The following PRCP variants were observed in gnomAD, a reference collection of about 807,000 sequenced individuals.
PRCP encodes the protein prolylcarboxypeptidase.
PRCP carries 46 observed loss-of-function variants against 54.2 expected under a neutral mutation model. The observed-to-expected ratio is 0.85, with a 90% confidence interval of 0.67 to 1.09. The LOEUF (loss-of-function observed/expected upper bound fraction) is 1.09, where lower values mean the gene tolerates loss of function less well. PRCP is among the 50% of genes least tolerant of loss of function. The pLI, the probability that PRCP is intolerant of heterozygous loss-of-function variation, is 0.00. For synonymous variants in PRCP, 240 were observed against 212.2 expected, an observed-to-expected ratio of 1.13 and a Z score of -1.14; for missense variants, 613 against 596.8, an observed-to-expected ratio of 1.03 and a Z score of -0.28.
At chr11:82,862,330 T>C (rs1859225443) in intron 1 of PRCP, among the ~76,000 whole-genome samples, 1 of 152,254 alleles carries the variant, frequency 6.6e-6, no homozygotes, top group Admixed American at 6.5e-5. Context: ...GTAAGATTCA[T>C]GTACAACAAT....
intron 1 of PRCP, among the ~76,000 whole-genome samples, chr11:82,876,540 G>A (rs1009039060): frequency 6.6e-6 from 1 of 152,126 alleles, no homozygotes; most frequent in Non-Finnish European, 1.5e-5. Context: ...GAGAGACCGG[G>A]GGGAGGTTAC....
intron 2 of PRCP, chr11:82,858,461 T>C (rs1859139913): frequency 6.6e-6 from 1 of 152,254 alleles, no homozygotes; most frequent in Non-Finnish European, 1.5e-5. Context: ...TGGGCCAGGA[T>C]CTGCTCTTCT....
rs553482470 is a variant in PRCP at position 82,868,175 on chromosome 11, G to T, written c.169-8058C>A. 2.4e-3 allele frequency among the ~76,000 whole-genome samples: 366 copies of T among 152,130 alleles called. 3 individuals carry two copies. Among genetic ancestry groups the T allele is most frequent in the African/African-American group, 8.5e-3 (353 of 41,492 alleles). On this transcript the variant is annotated intron_variant, in intron 1 of 8. Coordinates refer to ENST00000313010, the MANE Select transcript of PRCP (RefSeq NM_005040.4). Reference sequence around the variant, plus strand: ...GATTCTGGAGTTAGGATAATGCATTGTTCTGTATGTATAATAAGATAATTC... The same window carrying T: ...GATTCTGGAGTTAGGATAATGCATTTTTCTGTATGTATAATAAGATAATTC...
intron 1 of PRCP, among the ~76,000 whole-genome samples, chr11:82,871,501 C>T (rs1859483662): frequency 1.3e-5 from 2 of 152,106 alleles, no homozygotes; most frequent in African/African-American, 2.4e-5. Context: ...TTCTTCTATA[C>T]ATGCAAAATA....
At chr11:82,891,972 TA>T (rs1377687282) in intron 1 of PRCP, among the ~76,000 whole-genome samples, 16 of 152,358 alleles carry the variant, frequency 1.1e-4, no homozygotes, top group Middle Eastern at 3.4e-3. Context: ...AAAACCAGGA[TA>T]TTTACAAATG....
At chr11:82,857,531 A>C (rs537896842) in intron 2 of PRCP, among the ~76,000 whole-genome samples, 1 of 152,282 alleles carries the variant, frequency 6.6e-6, no homozygotes, top group African/African-American at 2.4e-5. Context: ...TTTTTCGCTT[A>C]CTCAGTTGTG....
intron 3 of PRCP, among the ~76,000 whole-genome samples, chr11:82,852,205 T>C (rs981003925): frequency 6.6e-6 from 1 of 152,226 alleles, no homozygotes; most frequent in South Asian, 2.1e-4. Context: ...GAATTTCCCA[T>C]ACAGCTCAAC....
At chr11:82,888,734 C>T (rs937518411) in intron 1 of PRCP, among the ~76,000 whole-genome samples, 1 of 152,194 alleles carries the variant, frequency 6.6e-6, no homozygotes, top group Non-Finnish European at 1.5e-5. Flanking sequence ...TTCTATCATG[C>T]TCTCCAAAGG....
At chr11:82,900,532 C>A (rs1215327467), upstream of PRCP, 43 of 1,296,242 alleles carry the variant, frequency 3.3e-5, no homozygotes, top group Middle Eastern at 7.6e-4. Context: ...AAACCCAAAG[C>A]CAGCCAGCTC....
In PRCP at chr11:82,862,249, G is replaced by A. The variant is rs183934229; in HGVS notation, c.169-2132C>T. Among the ~76,000 whole-genome samples the A allele has an allele frequency of 3.4e-3, 519 of 152,180 alleles. 2 individuals carry two copies. The highest frequency in any genetic ancestry group is 0.012 in the African/African-American group (488 of 41,514). ...TAAACGGAATTTTAAATATATTTTT[G>A]AGATTTCTTTTTACCCTTTGAGATT... On this transcript the variant is annotated intron_variant, in intron 1 of 8. Coordinates refer to ENST00000313010, the MANE Select transcript of PRCP (RefSeq NM_005040.4).
At chr11:82,889,575 A>G (rs1225830308) in intron 1 of PRCP, among the ~76,000 whole-genome samples, 1 of 152,144 alleles carries the variant, frequency 6.6e-6, no homozygotes, top group Admixed American at 6.5e-5. Context: ...CAGCAGAAGC[A>G]GAAGAAAAAA....
chr11:82,880,957 G>C (rs1859736584), intron 1 of PRCP, among the ~76,000 whole-genome samples: 1 of 152,090 alleles, frequency 6.6e-6, no homozygotes, highest in African/African-American at 2.4e-5. Context: ...ACAATAGGAA[G>C]TCATTTTCAC....
At chr11:82,900,140 G>T (rs1860229038) in intron 1 of PRCP, 95 bp downstream of exon 1, 4 of 1,451,508 alleles carry the variant, frequency 2.8e-6, no homozygotes, top group Non-Finnish European at 2.8e-6. Flanking sequence ...GCATCAAGGG[G>T]TGTGAATTTC....
intron 8 of PRCP, chr11:82,835,474 A>T: frequency 9.2e-6 from 2 of 217,532 alleles, no homozygotes; most frequent in Non-Finnish European, 1.8e-5. Flanking sequence ...GGGCTGTCCG[A>T]GTTCCCATGT....
chr11:82,875,581 G>A (rs2121222985), intron 1 of PRCP, among the ~76,000 whole-genome samples: 1 of 152,276 alleles, frequency 6.6e-6, no homozygotes. Flanking sequence ...ACCATTTCCT[G>A]AGTACTTACT....
rs138795874 is a variant in PRCP at position 82,853,719 on chromosome 11, G to A, written c.310-441C>T. 2.0e-3 allele frequency among the ~76,000 whole-genome samples: 298 copies of A among 152,058 alleles called. 2 individuals are homozygous for A. Among genetic ancestry groups the A allele is most frequent in the African/African-American group, 6.9e-3 (288 of 41,500 alleles). On this transcript the variant is annotated intron_variant, in intron 2 of 8. Coordinates refer to ENST00000313010, the MANE Select transcript of PRCP (RefSeq NM_005040.4). ...GGACACAATGAAACAAGAAAACTTC[G>A]GGCCAATATCCCTGACGAAAATAGA... is the stretch of plus-strand genomic sequence containing the variant.
chr11:82,888,008 GA>G (rs1434272780), intron 1 of PRCP, among the ~76,000 whole-genome samples: 1 of 152,142 alleles, frequency 6.6e-6, no homozygotes, highest in African/African-American at 2.4e-5. Context: ...TAAAAATGAA[GA>G]GTTTCCCCTG....
intron 1 of PRCP, among the ~76,000 whole-genome samples, chr11:82,874,117 GCT>G (rs1487600000): frequency 6.6e-5 from 10 of 152,288 alleles, no homozygotes; most frequent in Non-Finnish European, 1.0e-4. Context: ...AAACCAAAAA[GCT>G]CAGAACAATA....
At position 82,825,084 on chromosome 11, in the gene PRCP, G is replaced by A; in HGVS notation, c.1313C>T (p.Thr438Ile). 1.2e-6 allele frequency: 2 copies of A among 1,613,936 alleles called. No homozygotes were observed. Among genetic ancestry groups the A allele is most frequent in the South Asian group, 2.2e-5 (2 of 91,056 alleles). ...AACCAGAGTGTCTGTGATATCCTTAGTTACTCCACCTCCTGACCAGGGGTC... is the reference window on the plus strand; with the variant it reads ...AACCAGAGTGTCTGTGATATCCTTAATTACTCCACCTCCTGACCAGGGGTC... ...ELDPWSGGGVTKDITDTLVAV... is the reference protein window; with the variant it reads ...ELDPWSGGGVIKDITDTLVAV... Residue 438 changes from threonine (T) to isoleucine (I), a missense_variant, in exon 9 of 9, where the codon ACT becomes ATT. Coordinates refer to ENST00000313010, the MANE Select transcript of PRCP (RefSeq NM_005040.4).
Sources: allele counts gnomAD v4.1 joint callset (sites outside exome capture counted in the v4.1 genomes callset), GRCh38; gene constraint gnomAD v4.1.1; transcripts MANE v1.5; gene names NCBI Gene and HGNC (gene_info 2026-07-23, HGNC 2026-07-21).